GCNT3: variants seen among roughly 807,000 people sequenced by gnomAD.
GCNT3 encodes the protein beta-1,3-galactosyl-O-glycosyl-glycoprotein beta-1,6-N-acetylglucosaminyltransferase 3.
For missense variants in GCNT3, 708 were observed against 530.3 expected, an observed-to-expected ratio of 1.34 and a Z score of -3.29; for synonymous variants, 269 against 195.2, an observed-to-expected ratio of 1.38 and a Z score of -3.15.
rs199605633 is a variant in GCNT3, at chr15:59,613,534, C to CAATAAATA, written c.-251+1592_-251+1599dup. ...AGGGGAACAGCAAACTCCATCTCTA[C>CAATAAATA]AATAAATAAATAAATAAATAAATAA... On this transcript the variant is annotated intron_variant, in intron 1 of 2. Transcript: ENST00000396065. Among the ~76,000 whole-genome samples, 1,235 of 135,482 alleles carry CAATAAATA rather than the reference C, an allele frequency of 9.1e-3. 10 individuals are homozygous for CAATAAATA. Among genetic ancestry groups the CAATAAATA allele is most frequent in the African/African-American group, 0.021 (769 of 36,122 alleles). 88.9% of individuals were successfully genotyped at this position (135,482 alleles called of 152,430 possible).
Position 59,618,385 on chromosome 15 carries a change from C to T in GCNT3, c.147C>T (p.Ser49=). 4 of 1,614,090 alleles carry T rather than the reference C, an allele frequency of 2.5e-6. No homozygotes were observed. Among genetic ancestry groups the T allele is most frequent in the Non-Finnish European group, 3.4e-6 (4 of 1,179,952 alleles). The change falls in exon 3 of 3, where the codon AGC becomes AGT. Residue 49 remains serine, a synonymous_variant. Transcript: ENST00000396065. The part of the protein sequence containing the change: ...HLGLESRESQ[S]QYCRNILYNF... ...GTCTGGAGTCCAGGGAATCTCAAAG[C>T]CAGTACTGTAGGAATATCTTGTATA...
Position 59,618,265 on chromosome 15 carries a change from G to T in GCNT3, c.27G>T (p.Gln9His). The T allele has an allele frequency of 6.3e-7, 1 of 1,586,354 alleles. No homozygotes were observed. The highest frequency in any genetic ancestry group is 8.6e-7 in the Non-Finnish European group (1 of 1,166,140). MVQWKRLC[Q>H]LHYLWALGCY... is the part of the protein sequence containing the mutation. ...TGGTTCAATGGAAGAGACTCTGCCAGCTGCATTACTTGTGGGCTCTGGGCT... is the reference window on the plus strand; with the variant it reads ...TGGTTCAATGGAAGAGACTCTGCCATCTGCATTACTTGTGGGCTCTGGGCT... The change falls in exon 3 of 3, where the codon CAG (glutamine) becomes CAT (histidine). Residue 9 changes from glutamine (Q) to histidine (H), a missense_variant. Gln to His is a conservative substitution (Grantham distance 24). Transcript: ENST00000396065.
rs1302531939 is a variant in GCNT3, at chr15:59,618,245, C to G, written c.7C>G (p.Gln3Glu). 3.9e-6 allele frequency: 6 copies of G among 1,554,540 alleles called. No homozygotes were observed. The highest frequency in any genetic ancestry group is 1.9e-5 in the Admixed American group (1 of 53,714). Reference protein sequence around the residue: MVQWKRLCQLHYL... With the variant: MVEWKRLCQLHYL... ...TGTCTCCCATTCTGTGACGATGGTT[C>G]AATGGAAGAGACTCTGCCAGCTGCA... Residue 3 changes from glutamine to glutamate, a missense_variant, in exon 3 of 3, where the codon CAA becomes GAA. By Grantham distance (29) the Gln-to-Glu change is conservative (BLOSUM62 2). Transcript: ENST00000396065.
rs781667448 is a variant in GCNT3 at position 59,618,380 on chromosome 15, C to A, written c.142C>A (p.Gln48Lys). The A allele has an allele frequency of 1.2e-6, 2 of 1,614,110 alleles. No individual in the cohort carries two copies. The highest frequency in any genetic ancestry group is 1.7e-6 in the Non-Finnish European group (2 of 1,179,990). ...DHLGLESRES[Q>K]SQYCRNILYN... ...CTTGGGTCTGGAGTCCAGGGAATCT[C>A]AAAGCCAGTACTGTAGGAATATCTT... The change falls in exon 3 of 3, where the codon CAA becomes AAA. Residue 48 changes from glutamine to lysine, a missense_variant. Gln to Lys is a moderately conservative substitution (Grantham distance 53, BLOSUM62 1). Coordinates refer to ENST00000396065, the MANE Select transcript of GCNT3 (RefSeq NM_004751.3).
chr15:59,615,544 C>G (rs768881738), intron 1 of GCNT3, among the ~76,000 whole-genome samples: 9 of 152,106 alleles, frequency 5.9e-5, no homozygotes, highest in Non-Finnish European at 1.2e-4. Context: ...TTCCCCAACA[C>G]TTTATATCTT....
chr15:59,618,306 C>A lies in GCNT3; in HGVS notation c.68C>A (p.Ala23Asp). The A allele has an allele frequency of 6.2e-7, 1 of 1,612,858 alleles. No homozygotes were observed. Among genetic ancestry groups the A allele is most frequent in the Non-Finnish European group, 8.5e-7 (1 of 1,179,538 alleles). ...LWALGCYMLL[A>D]TVALKLSFRL... ...GCTCTGGGCTGCTATATGCTGCTGGCCACTGTGGCTCTGAAACTTTCTTTC... is the reference window on the plus strand; with the variant it reads ...GCTCTGGGCTGCTATATGCTGCTGGACACTGTGGCTCTGAAACTTTCTTTC... Residue 23 changes from alanine (A) to aspartate (D), a missense_variant, in exon 3 of 3, where the codon GCC becomes GAC. Transcript: ENST00000396065.
intron 1 of GCNT3, chr15:59,615,277 C>G (rs2082714033): frequency 6.6e-6 from 1 of 152,160 alleles, no homozygotes; most frequent in Admixed American, 6.5e-5. Flanking sequence ...GCACTAAATT[C>G]AGTTTACAGT....
At chr15:59,614,621 G>A (rs1484864831) in intron 1 of GCNT3, among the ~76,000 whole-genome samples, 1 of 152,216 alleles carries the variant, frequency 6.6e-6, no homozygotes, top group Non-Finnish European at 1.5e-5. Context: ...CAGTGTAGCA[G>A]TGAGGAGGAC....
rs1251447570 is a variant in GCNT3, at chr15:59,622,654, A to C, written c.*3099A>C. On this transcript the variant is annotated 3_prime_UTR_variant, in exon 3 of 3. Coordinates refer to ENST00000396065, the MANE Select transcript of GCNT3 (RefSeq NM_004751.3). ...GAAAAGAACTTTGGCCTCATAGTTAACTTACTCCAAAAGCTTTCATGTGAA... is the reference window on the plus strand; with the variant it reads ...GAAAAGAACTTTGGCCTCATAGTTACCTTACTCCAAAAGCTTTCATGTGAA... 1 of 152,256 alleles carries C rather than the reference A, an allele frequency of 6.6e-6. No homozygotes were observed. The highest frequency in any genetic ancestry group is 1.9e-4 in the East Asian group (1 of 5,206). The allele number at this position is 152,256 out of a possible 1,614,324, so 9.4% of individuals were successfully genotyped here.
In GCNT3 at chr15:59,622,281, C is replaced by G. The variant is rs1361944714; in HGVS notation, c.*2726C>G. On this transcript the variant is annotated 3_prime_UTR_variant, in exon 3 of 3. Transcript: ENST00000396065. ...TGAGCTGAGATCGTACCACTGCACT[C>G]CAGCCTGGGCGATAGAGCCAGACTG... 6.6e-6 allele frequency: 1 copy of G among 150,630 alleles called. No homozygotes were observed. The highest frequency in any genetic ancestry group is 1.5e-5 in the Non-Finnish European group (1 of 67,874). 9.3% of individuals were successfully genotyped at this position (150,630 alleles called of 1,614,324 possible). A position where few individuals can be genotyped will look rare whatever the true frequency, so the allele number is the denominator to read the frequency against.
intron 2 of GCNT3, 28 bp downstream of exon 2, chr15:59,616,909 C>G (rs2082722064): frequency 6.6e-6 from 1 of 152,076 alleles, no homozygotes; most frequent in South Asian, 2.1e-4. Flanking sequence ...TTTTCATTTT[C>G]CTTCCTCTTA....
rs1159645449 is a variant in GCNT3 at position 59,622,454 on chromosome 15, T to C, written c.*2899T>C. 1.3e-5 allele frequency: 2 copies of C among 152,074 alleles called. No homozygotes were observed. The highest frequency in any genetic ancestry group is 4.8e-5 in the African/African-American group (2 of 41,402). The allele number at this position is 152,074 out of a possible 1,614,324, so 9.4% of individuals were successfully genotyped here. ...CACTACGGAGATGACTGATGACTAG[T>C]TGTATACACAGTGGGTGTGCCCTGA... is the stretch of plus-strand genomic sequence containing the variant. On this transcript the variant is annotated 3_prime_UTR_variant, in exon 3 of 3. Transcript: ENST00000396065.
At chr15:59,616,325 T>G (rs2141935481) in intron 1 of GCNT3, 1 of 152,320 alleles carries the variant, frequency 6.6e-6, no homozygotes, top group East Asian at 1.9e-4. Context: ...GAAGAGTATT[T>G]TTATTCCCAC....
intron 1 of GCNT3, 105 bp from the exon 2 acceptor site, chr15:59,616,587 G>A (rs748376142): frequency 2.6e-5 from 4 of 152,144 alleles, no homozygotes; most frequent in Non-Finnish European, 4.4e-5. Flanking sequence ...GAATGACTTG[G>A]GCTTGAGAAT....
Position 59,618,622 on chromosome 15 carries a change from G to A in GCNT3, c.384G>A (p.Glu128=), listed in dbSNP as rs1161920379. Residue 128 remains glutamate (E), a synonymous_variant, in exon 3 of 3, where the codon GAG becomes GAA. Coordinates refer to ENST00000396065, the MANE Select transcript of GCNT3 (RefSeq NM_004751.3). ...TACAGTTCCCACTGAGCAAAGAAGA[G>A]GTGGAGTTCCCTATTGCATACTCTA... ...KFIQFPLSKE[E]VEFPIAYSMV... is the part of the protein sequence containing the mutation. 1.2e-6 allele frequency: 2 copies of A among 1,614,106 alleles called. No individual in the cohort carries two copies. Among genetic ancestry groups the A allele is most frequent in the Non-Finnish European group, 1.7e-6 (2 of 1,179,984 alleles).
chr15:59,614,768 C>T lies in GCNT3; in HGVS notation c.-250-1924C>T, dbSNP rs142659056. 5.4e-3 allele frequency among the ~76,000 whole-genome samples: 827 copies of T among 152,234 alleles called. 4 individuals carry two copies. Among genetic ancestry groups the T allele is most frequent in the Non-Finnish European group, 7.5e-3 (507 of 68,010 alleles). On this transcript the variant is annotated intron_variant, in intron 1 of 2. Transcript: ENST00000396065. Reference sequence around the variant, plus strand: ...CTATCTCATCCTGTGATTTAGAATGCCTTAACCATCTGCTAATGCAGCCCA... The same window carrying T: ...CTATCTCATCCTGTGATTTAGAATGTCTTAACCATCTGCTAATGCAGCCCA...
rs1295607142 is a variant in GCNT3 at position 59,618,528 on chromosome 15, C to T, written c.290C>T (p.Pro97Leu). Residue 97 changes from proline (P) to leucine (L), a missense_variant, in exon 3 of 3, where the codon CCT (proline) becomes CTT (leucine). By Grantham distance (98) the Pro-to-Leu change is moderately conservative. Transcript: ENST00000396065. ...CTGGAGGTCAAGAAGAAGCGAGAGC[C>T]TTTCACAGACACCCACTACCTCTCC... ...NNLEVKKKRE[P>L]FTDTHYLSLT... The T allele has an allele frequency of 6.2e-7, 1 of 1,614,032 alleles. No individual in the cohort carries two copies. The highest frequency in any genetic ancestry group is 8.5e-7 in the Non-Finnish European group (1 of 1,180,032).
At chr15:59,615,847 C>G (rs1285483473) in intron 1 of GCNT3, among the ~76,000 whole-genome samples, 1 of 152,158 alleles carries the variant, frequency 6.6e-6, no homozygotes. Context: ...GTAATCACAC[C>G]ACTGCACTCC....
chr15:59,613,304 C>T (rs777760813), intron 1 of GCNT3, among the ~76,000 whole-genome samples: 4 of 151,910 alleles, frequency 2.6e-5, no homozygotes, highest in East Asian at 1.9e-4. Flanking sequence ...AGGTACTTGA[C>T]GTTACTATAA....
Sources: gnomAD v4.1 joint callset for allele counts (sites outside exome capture counted in the v4.1 genomes callset) on GRCh38, gnomAD v4.1.1 for gene constraint, MANE v1.5 for transcripts, NCBI Gene and HGNC (gene_info 2026-07-23, HGNC 2026-07-21) for gene names.